The following PACRG variants were observed in gnomAD, a reference collection of about 807,000 sequenced individuals.
PACRG encodes parkin coregulated gene protein.
A neutral mutation model predicts 29.7 loss-of-function variants in PACRG; 29 were observed. The observed-to-expected ratio is 0.98, with a 90% confidence interval of 0.73 to 1.33. PACRG has a LOEUF of 1.33. PACRG is among the 40% of genes most tolerant of loss of function. The probability of loss-of-function intolerance (pLI) is 0.00; values close to 1 mark genes in which losing one functional copy is unlikely to be tolerated. For synonymous variants in PACRG, 116 were observed against 118.7 expected, an observed-to-expected ratio of 0.98 and a Z score of 0.15; for missense variants, 279 against 316.2, an observed-to-expected ratio of 0.88 and a Z score of 0.89.
chr6:163,106,151 A>G (rs1815369396), intron 4 of PACRG, among the ~76,000 whole-genome samples: 1 of 152,252 alleles, frequency 6.6e-6, no homozygotes, highest in East Asian at 1.9e-4. Flanking sequence ...ATGCAGAGAG[A>G]TAAAGTAATT....
chr6:163,314,553 G>C (rs905672073), intron 4 of PACRG, among the ~76,000 whole-genome samples: 1 of 152,146 alleles, frequency 6.6e-6, no homozygotes, highest in Non-Finnish European at 1.5e-5. Context: ...TCAAGAAAGA[G>C]AGTCCCCGAC....
chr6:163,177,982 A>G lies in PACRG; in HGVS notation c.613+88574A>G, dbSNP rs1381452825. Among the ~76,000 whole-genome samples the G allele has an allele frequency of 5.3e-5, 8 of 152,216 alleles. No individual in the cohort carries two copies. In the South Asian group the frequency reaches 1.5e-3, roughly 28 times the overall value. ...GTCTTGTTCACCAACTGACACTTAG[A>G]AGAGGCTCAAACCTGGTCATTGGCT... On this transcript the variant is annotated intron_variant, in intron 4 of 4. Coordinates refer to ENST00000366888, the MANE Select transcript of PACRG (RefSeq NM_001080379.2).
chr6:162,861,915 T>C lies in PACRG; in HGVS notation c.291+47634T>C, dbSNP rs1015669229. Among the ~76,000 whole-genome samples, 3 of 152,178 alleles carry C rather than the reference T, an allele frequency of 2.0e-5. No individual in the cohort carries two copies. In the South Asian group the frequency reaches 6.2e-4, roughly 32 times the overall value. ...GTCTGCACAGAGTGGGATTTCTGTA[T>C]CTGCTACGGTCTGGGTATTTCTGTA... is the stretch of plus-strand genomic sequence containing the variant. On this transcript the variant is annotated intron_variant, in intron 2 of 4. Transcript: ENST00000366888.
intron 4 of PACRG, among the ~76,000 whole-genome samples, chr6:163,125,122 A>G (rs191289046): frequency 1.8e-3 from 279 of 152,340 alleles, no homozygotes; most frequent in African/African-American, 6.5e-3. Flanking sequence ...TAGAAATTCA[A>G]TAAAGGTGAT....
chr6:163,214,206 C>T (rs968101463), intron 4 of PACRG, among the ~76,000 whole-genome samples: 15 of 152,196 alleles, frequency 9.9e-5, no homozygotes, highest in East Asian at 3.9e-4. Flanking sequence ...TGACTAAGGA[C>T]GTGAATTTTT....
chr6:163,096,788 T>A (rs1344489036), intron 4 of PACRG, among the ~76,000 whole-genome samples: 1 of 151,514 alleles, frequency 6.6e-6, no homozygotes, highest in Non-Finnish European at 1.5e-5. Context: ...GAGAACCAAA[T>A]ACATGTGGCT....
chr6:162,747,366 A>G lies in PACRG; in HGVS notation c.156+18975A>G, dbSNP rs1367361995. On this transcript the variant is annotated intron_variant, in intron 1 of 4. Coordinates refer to ENST00000366888, the MANE Select transcript of PACRG (RefSeq NM_001080379.2). ...TATATATATATATATATATATATAC[A>G]CATACATATATATGTATATATATGT... is the stretch of plus-strand genomic sequence containing the variant. Among the ~76,000 whole-genome samples the G allele has an allele frequency of 1.2e-4, 5 of 40,804 alleles. 1 individual carries two copies. The South Asian group carries it at 4.0e-3, about 32-fold the overall frequency. The allele number at this position is 40,804 out of a possible 152,430, so 26.8% of individuals were successfully genotyped here.
At chr6:162,774,793 C>T (rs1783510619) in intron 1 of PACRG, among the ~76,000 whole-genome samples, 1 of 152,076 alleles carries the variant, frequency 6.6e-6, no homozygotes, top group Non-Finnish European at 1.5e-5. Context: ...TACTGAAGCA[C>T]CCTGCTTTGT....
At chr6:162,987,990 T>C (rs981661252) in intron 2 of PACRG, among the ~76,000 whole-genome samples, 1 of 152,194 alleles carries the variant, frequency 6.6e-6, no homozygotes, top group Non-Finnish European at 1.5e-5. Flanking sequence ...TTGGTTGGCC[T>C]CCACCCAGGT....
intron 4 of PACRG, among the ~76,000 whole-genome samples, chr6:163,194,472 C>T (rs1780356847): frequency 6.6e-6 from 1 of 152,068 alleles, no homozygotes; most frequent in Non-Finnish European, 1.5e-5. Flanking sequence ...AGGCAGGAAA[C>T]CCCGGCGCCT....
rs573302843 is a variant in PACRG at position 162,920,281 on chromosome 6, G to A, written c.291+106000G>A. 2.3e-4 allele frequency among the ~76,000 whole-genome samples: 35 copies of A among 152,208 alleles called. 1 individual carries two copies. Among genetic ancestry groups the A allele is most frequent in the African/African-American group, 7.2e-4 (30 of 41,536 alleles). ...CCTTGCACAATTAATTAAACTCCCC[G>A]AAGCCTGAATGCTTTTGTCTGACAA... is the stretch of plus-strand genomic sequence containing the variant. On this transcript the variant is annotated intron_variant, in intron 2 of 4. Coordinates refer to ENST00000366888, the MANE Select transcript of PACRG (RefSeq NM_001080379.2).
intron 1 of PACRG, among the ~76,000 whole-genome samples, chr6:162,767,785 T>C (rs1196587944): frequency 6.6e-6 from 1 of 152,028 alleles, no homozygotes; most frequent in Non-Finnish European, 1.5e-5. Context: ...CCCCTCCTTT[T>C]TGAGGATTAA....
intron 1 of PACRG, among the ~76,000 whole-genome samples, chr6:162,734,012 C>T (rs1779973558): frequency 6.6e-6 from 1 of 152,184 alleles, no homozygotes; most frequent in African/African-American, 2.4e-5. Context: ...GCTGCATCCT[C>T]ACCTCAAGAA....
At chr6:162,794,683 C>T (rs185831039) in intron 1 of PACRG, among the ~76,000 whole-genome samples, 402 of 152,256 alleles carry the variant, frequency 2.6e-3, no homozygotes, top group African/African-American at 8.9e-3. Flanking sequence ...CACCATATAT[C>T]GAAAACTACC....
At chr6:162,791,518 A>G (rs1402048792) in intron 1 of PACRG, among the ~76,000 whole-genome samples, 2 of 152,136 alleles carry the variant, frequency 1.3e-5, no homozygotes, top group Non-Finnish European at 2.9e-5. Context: ...TCTAAAGTGA[A>G]AACTGCAGGA....
At chr6:163,019,918 CAA>C (rs1278070871) in intron 2 of PACRG, among the ~76,000 whole-genome samples, 1 of 152,178 alleles carries the variant, frequency 6.6e-6, no homozygotes, top group African/African-American at 2.4e-5. Context: ...TAACAAATAT[CAA>C]GTCTTAATTT....
intron 2 of PACRG, among the ~76,000 whole-genome samples, chr6:162,978,511 T>C (rs1008650147): frequency 3.9e-5 from 6 of 151,978 alleles, no homozygotes; most frequent in African/African-American, 1.4e-4. Context: ...GTAGACATAA[T>C]TCTATATGGT....
At chr6:162,823,636 C>T (rs576249902) in intron 2 of PACRG, among the ~76,000 whole-genome samples, 123 of 151,776 alleles carry the variant, frequency 8.1e-4, no homozygotes, top group African/African-American at 2.8e-3. Context: ...CTCAGCCTCC[C>T]GAGTAGCTGG....
intron 2 of PACRG, among the ~76,000 whole-genome samples, chr6:163,054,994 A>G (rs1034948861): frequency 2.0e-5 from 3 of 152,192 alleles, no homozygotes; most frequent in East Asian, 3.8e-4. Context: ...CACCAGGTCA[A>G]TTGTGCTGTG....
Sources: allele counts gnomAD v4.1 joint callset (sites outside exome capture counted in the v4.1 genomes callset), GRCh38; gene constraint gnomAD v4.1.1; transcripts MANE v1.5; gene names NCBI Gene and HGNC (gene_info 2026-07-23, HGNC 2026-07-21).